Variants in PCDHGA3 observed in about 807,000 individuals in gnomAD.
PCDHGA3 encodes protocadherin gamma subfamily A, 3.
A neutral mutation model predicts 58.5 loss-of-function variants in PCDHGA3; 40 were observed. The ratio of observed to expected loss-of-function variants is 0.68; its 90% CI spans 0.53 to 0.89. The LOEUF is 0.89. PCDHGA3 is among the 40% of genes least tolerant of loss of function. PCDHGA3 has a pLI of 0.00. For missense variants in PCDHGA3, 1,223 were observed against 1,195.9 expected, an observed-to-expected ratio of 1.02 and a Z score of -0.33; for synonymous variants, 530 against 525.7, an observed-to-expected ratio of 1.01 and a Z score of -0.11.
intron 1 of PCDHGA3, among the ~76,000 whole-genome samples, chr5:141,456,911 C>T (rs1262649726): frequency 2.0e-5 from 3 of 151,928 alleles, no homozygotes; most frequent in Non-Finnish European, 4.4e-5. Flanking sequence ...TGCAGTGAGC[C>T]GAGATCGCAC....
At chr5:141,457,560 G>A (rs1466753974) in intron 1 of PCDHGA3, among the ~76,000 whole-genome samples, 1 of 152,162 alleles carries the variant, frequency 6.6e-6, no homozygotes, top group African/African-American at 2.4e-5. Flanking sequence ...ATAAGCTTTG[G>A]AGCAAAATTT....
At chr5:141,376,310 G>T in intron 1 of PCDHGA3, 1 of 1,613,946 alleles carries the variant, frequency 6.2e-7, no homozygotes, top group Non-Finnish European at 8.5e-7. Context: ...CTTTGTGGGC[G>T]TGGAAGGGGT....
At chr5:141,376,676 G>GTTTTTTTTTTTTTTTTTTTTTTTTT in intron 1 of PCDHGA3, 1 of 275,812 alleles carries the variant, frequency 3.6e-6, no homozygotes, top group Non-Finnish European at 6.2e-6. Context: ...TGAGGGTATC[G>GTTTTTTTTTTTTTTTTTTTTTTTTT]TTTTTTTTTT....
In PCDHGA3 at chr5:141,511,618, T is replaced by C. The variant is rs1227028784; in HGVS notation, c.*445T>C. 4.3e-6 allele frequency: 1 copy of C among 232,232 alleles called. No homozygotes were observed. Among genetic ancestry groups the C allele is most frequent in the East Asian group, 9.9e-5 (1 of 10,122 alleles). 14.4% of individuals were successfully genotyped at this position (232,232 alleles called of 1,614,324 possible). A position where few individuals can be genotyped will look rare whatever the true frequency, so the allele number is the denominator to read the frequency against. ...AAGTAACCTACAAGCCTCCTAGTTCTGAAAAGTTGGAAGGGCATCATGACC... is the reference window on the plus strand; with the variant it reads ...AAGTAACCTACAAGCCTCCTAGTTCCGAAAAGTTGGAAGGGCATCATGACC... On this transcript the variant is annotated 3_prime_UTR_variant, in exon 4 of 4. Transcript: ENST00000253812.
chr5:141,360,352 G>T (rs1361866062), intron 1 of PCDHGA3: 1 of 1,613,894 alleles, frequency 6.2e-7, no homozygotes, highest in Admixed American at 1.7e-5. Context: ...CGCGGAGAAG[G>T]AATATTTCAC....
intron 1 of PCDHGA3, chr5:141,376,296 C>T (rs769852070): frequency 1.2e-6 from 2 of 1,614,184 alleles, no homozygotes; most frequent in Non-Finnish European, 1.7e-6. Flanking sequence ...ATGCCCGGCT[C>T]GCACTTTGTG....
At chr5:141,420,268 T>C (rs375162019) in intron 1 of PCDHGA3, 254 of 1,543,666 alleles carry the variant, frequency 1.6e-4, no homozygotes, top group Non-Finnish European at 2.1e-4. Context: ...AGAAGATTCT[T>C]AAACAGGTAA....
chr5:141,395,445 T>C (rs1257175969), intron 1 of PCDHGA3: 1 of 655,916 alleles, frequency 1.5e-6, no homozygotes, highest in East Asian at 2.9e-5. Context: ...TTGGAAAAGA[T>C]TGTTCAACCA....
rs1482297743 is a variant in PCDHGA3 at position 141,403,937 on chromosome 5, G to A, written c.2424+57480G>A. 8 of 1,613,778 alleles carry A rather than the reference G, an allele frequency of 5.0e-6. No individual in the cohort carries two copies. The highest frequency in any genetic ancestry group is 6.8e-6 in the Non-Finnish European group (8 of 1,179,896). On this transcript the variant is annotated intron_variant, in intron 1 of 3. Transcript: ENST00000253812. ...AGCTGAAGATGGTGGGGGATTGAAA[G>A]GGTGGACAAAAGTGCTCATTTCGGT...
At chr5:141,405,448 CT>C in intron 1 of PCDHGA3, 1 of 1,314,740 alleles carries the variant, frequency 7.6e-7, no homozygotes, top group Non-Finnish European at 1.1e-6. Flanking sequence ...GAGACAGAGT[CT>C]TACTCTGTTA....
rs779598429 is a variant in PCDHGA3, at chr5:141,345,516, A to G, written c.1483A>G (p.Thr495Ala). Residue 495 changes from threonine (T) to alanine (A), a missense_variant, in exon 1 of 4, where the codon ACT becomes GCT. Coordinates refer to ENST00000253812, the MANE Select transcript of PCDHGA3 (RefSeq NM_018916.4). ...ARITYALTED[T>A]LQGAPLSSFV... Reference sequence around the variant, plus strand: ...CATCACTTATGCATTGACCGAGGACACTCTCCAGGGGGCGCCCCTGTCCTC... The same window carrying G: ...CATCACTTATGCATTGACCGAGGACGCTCTCCAGGGGGCGCCCCTGTCCTC... The G allele has an allele frequency of 1.9e-6, 3 of 1,613,566 alleles. No individual in the cohort carries two copies. In the South Asian group the frequency reaches 3.3e-5, roughly 18 times the overall value.
intron 1 of PCDHGA3, chr5:141,366,660 A>G: frequency 1.2e-6 from 2 of 1,614,254 alleles, no homozygotes; most frequent in Non-Finnish European, 1.7e-6. Context: ...AACTACGCAG[A>G]CACGCTCCTT....
intron 1 of PCDHGA3, among the ~76,000 whole-genome samples, chr5:141,464,912 T>A (rs1303305860): frequency 2.6e-5 from 4 of 152,092 alleles, no homozygotes; most frequent in Non-Finnish European, 5.9e-5. Context: ...CTAATTTTTT[T>A]ATTTTTTTGT....
At position 141,375,580 on chromosome 5, in the gene PCDHGA3, G is replaced by C; in HGVS notation, c.2424+29123G>C. The C allele has an allele frequency of 1.9e-6, 3 of 1,614,092 alleles. 1 individual carries two copies. The highest frequency in any genetic ancestry group is 2.2e-5 in the South Asian group (2 of 91,078). On this transcript the variant is annotated intron_variant, in intron 1 of 3. Transcript: ENST00000253812. ...TGGCAGAAGACACCCTCCAGGGGGC[G>C]CCCCTGTCCTCCTACGTGTCCATCA...
At chr5:141,355,344 C>A (rs1350319384) in intron 1 of PCDHGA3, 3 of 1,613,926 alleles carry the variant, frequency 1.9e-6, no homozygotes, top group African/African-American at 1.3e-5. Flanking sequence ...TGGGCAACAT[C>A]GCCAAGGACC....
chr5:141,498,146 G>A (rs924380243), intron 2 of PCDHGA3, among the ~76,000 whole-genome samples: 1 of 152,200 alleles, frequency 6.6e-6, no homozygotes, highest in Non-Finnish European at 1.5e-5. Context: ...GGACATCCTG[G>A]AAATGAAGTT....
intron 1 of PCDHGA3, chr5:141,372,617 C>A: frequency 6.2e-7 from 1 of 1,614,010 alleles, no homozygotes; most frequent in South Asian, 1.1e-5. Flanking sequence ...GAGTTCTCCC[C>A]ACCTACAGCG....
intron 1 of PCDHGA3, chr5:141,427,474 A>G (rs373512099): frequency 3.7e-5 from 19 of 520,294 alleles, no homozygotes; most frequent in African/African-American, 1.5e-4. Context: ...TCTTCCGCCA[A>G]TAATGACTAT....
chr5:141,446,928 C>T (rs988582410), intron 1 of PCDHGA3, among the ~76,000 whole-genome samples: 14 of 152,132 alleles, frequency 9.2e-5, no homozygotes, highest in Non-Finnish European at 1.6e-4. Context: ...TTCCTGATCT[C>T]TTTTTCACTG....
Sources: gnomAD v4.1 joint callset for allele counts (sites outside exome capture counted in the v4.1 genomes callset) on GRCh38, gnomAD v4.1.1 for gene constraint, MANE v1.5 for transcripts, NCBI Gene and HGNC (gene_info 2026-07-23, HGNC 2026-07-21) for gene names.